CLSTN2: variants seen among roughly 807,000 people sequenced by gnomAD.
CLSTN2 encodes calsyntenin 2.
Under a neutral mutation model 101.2 loss-of-function variants are expected in CLSTN2, and 48 were observed. That is an observed-to-expected ratio of 0.47 (90% confidence interval 0.38 to 0.60). CLSTN2 has a LOEUF of 0.60. CLSTN2 is among the 20% of genes least tolerant of loss of function. The pLI is 0.00. For synonymous variants in CLSTN2, 481 were observed against 463.6 expected, an observed-to-expected ratio of 1.04 and a Z score of -0.48; for missense variants, 1,160 against 1,238.2, an observed-to-expected ratio of 0.94 and a Z score of 0.95.
intron 2 of CLSTN2, among the ~76,000 whole-genome samples, chr3:140,251,846 T>C (rs2086567531): frequency 6.6e-6 from 1 of 151,972 alleles, no homozygotes; most frequent in Admixed American, 6.6e-5. Flanking sequence ...GTGGAATCTG[T>C]GTGGAGCCTG....
chr3:140,052,225 C>T (rs2008010650), intron 1 of CLSTN2, among the ~76,000 whole-genome samples: 1 of 152,156 alleles, frequency 6.6e-6, no homozygotes, highest in African/African-American at 2.4e-5. Context: ...ATGGCATGAT[C>T]TCAGCTCACT....
chr3:140,291,876 G>T (rs2107903918), intron 2 of CLSTN2, among the ~76,000 whole-genome samples: 1 of 151,994 alleles, frequency 6.6e-6, no homozygotes, highest in African/African-American at 2.4e-5. Context: ...AGTCTCACCA[G>T]CTGCCGCTTG....
At chr3:140,465,718 T>TGAA (rs762805520) in intron 7 of CLSTN2, among the ~76,000 whole-genome samples, 1 of 152,178 alleles carries the variant, frequency 6.6e-6, no homozygotes, top group Non-Finnish European at 1.5e-5. Flanking sequence ...TTAAGGAAAC[T>TGAA]GAAGCTCTGA....
At chr3:140,454,133 GCA>G (rs1386763173) in intron 6 of CLSTN2, 2 of 152,228 alleles carry the variant, frequency 1.3e-5, no homozygotes, top group African/African-American at 4.8e-5. Context: ...GTGAAGGGCT[GCA>G]CACACTGAGT....
intron 1 of CLSTN2, among the ~76,000 whole-genome samples, chr3:139,958,999 T>C (rs1414983015): frequency 1.3e-5 from 2 of 151,804 alleles, no homozygotes. Context: ...AACTTGCTTA[T>C]GGTGAGGAAG....
At chr3:140,546,294 G>A (rs1274934488) in intron 9 of CLSTN2, among the ~76,000 whole-genome samples, 2 of 152,222 alleles carry the variant, frequency 1.3e-5, no homozygotes, top group Non-Finnish European at 2.9e-5. Context: ...ATTCAGAAAT[G>A]CCAGGATTCC....
intron 2 of CLSTN2, among the ~76,000 whole-genome samples, chr3:140,393,309 T>A (rs6777182): frequency 0.026 from 4,033 of 152,298 alleles, 168 homozygotes; most frequent in African/African-American, 0.09. Flanking sequence ...TCAGCATGAT[T>A]TGCACCAATT....
chr3:140,432,079 C>A (rs2088637598), intron 5 of CLSTN2, among the ~76,000 whole-genome samples: 1 of 152,140 alleles, frequency 6.6e-6, no homozygotes, highest in Non-Finnish European at 1.5e-5. Context: ...AGCATCATGT[C>A]CTGGATTTTT....
In CLSTN2 at chr3:140,447,065, TC is replaced by T. The variant is rs572579136; in HGVS notation, c.788-1452del. On this transcript the variant is annotated intron_variant, in intron 5 of 16. Coordinates refer to ENST00000458420, the MANE Select transcript of CLSTN2 (RefSeq NM_022131.3). ...AAGATACCGGTATCACCATGGTGGCTCCAGTGGCCCATTGGGAACTGAGTAG... is the reference window on the plus strand; with the variant it reads ...AAGATACCGGTATCACCATGGTGGCTCAGTGGCCCATTGGGAACTGAGTAG... Among the ~76,000 whole-genome samples, 28 of 152,334 alleles carry T rather than the reference TC, an allele frequency of 1.8e-4. No homozygotes were observed. In the East Asian group the frequency reaches 4.6e-3, roughly 25 times the overall value.
chr3:140,220,430 T>C (rs6787416), intron 2 of CLSTN2, among the ~76,000 whole-genome samples: 147,277 of 152,322 alleles, frequency 0.97, 71,387 homozygotes, highest in East Asian at 1. Flanking sequence ...GTCTTCCTTC[T>C]TGAGCCCCAT....
chr3:140,416,325 A>G (rs2088431118), intron 4 of CLSTN2, among the ~76,000 whole-genome samples: 1 of 152,178 alleles, frequency 6.6e-6, no homozygotes, highest in South Asian at 2.1e-4. Flanking sequence ...AATGCATTAT[A>G]TACTTGAAAT....
intron 8 of CLSTN2, among the ~76,000 whole-genome samples, chr3:140,499,792 C>T (rs1270682639): frequency 5.9e-5 from 9 of 152,194 alleles, no homozygotes; most frequent in Middle Eastern, 3.4e-3. Context: ...TGGCTGGGCG[C>T]GGTGGCTCAC....
intron 8 of CLSTN2, among the ~76,000 whole-genome samples, chr3:140,530,652 G>A (rs550680085): frequency 7.2e-5 from 11 of 152,356 alleles, no homozygotes; most frequent in African/African-American, 1.4e-4. Context: ...TGTAGAGCCA[G>A]CTAAAGCACA....
At chr3:140,483,142 G>A (rs1395163631) in intron 8 of CLSTN2, among the ~76,000 whole-genome samples, 3 of 152,196 alleles carry the variant, frequency 2.0e-5, no homozygotes, top group East Asian at 3.9e-4. Context: ...GGTATGTTGT[G>A]TCTTTGTTCT....
At chr3:140,455,417 C>G (rs1055362522) in intron 6 of CLSTN2, among the ~76,000 whole-genome samples, 2 of 152,230 alleles carry the variant, frequency 1.3e-5, no homozygotes, top group African/African-American at 4.8e-5. Context: ...TAACTGCCAT[C>G]CCTAGGCCCC....
intron 2 of CLSTN2, among the ~76,000 whole-genome samples, chr3:140,378,832 C>G (rs2087947961): frequency 6.6e-6 from 1 of 152,184 alleles, no homozygotes; most frequent in African/African-American, 2.4e-5. Flanking sequence ...AGGAGCATTA[C>G]CCAGGATTAA....
intron 2 of CLSTN2, among the ~76,000 whole-genome samples, chr3:140,204,859 C>T (rs1030779425): frequency 2.6e-5 from 4 of 152,154 alleles, no homozygotes; most frequent in Non-Finnish European, 4.4e-5. Flanking sequence ...TCTGTCTGTC[C>T]CGCTGTCCCC....
intron 2 of CLSTN2, among the ~76,000 whole-genome samples, chr3:140,389,009 G>A (rs1290131572): frequency 6.6e-6 from 1 of 152,134 alleles, no homozygotes; most frequent in African/African-American, 2.4e-5. Flanking sequence ...TTAATTAGAT[G>A]GAATCTTGTG....
At chr3:140,304,180 C>T (rs1277909910) in intron 2 of CLSTN2, among the ~76,000 whole-genome samples, 1 of 152,134 alleles carries the variant, frequency 6.6e-6, no homozygotes, top group East Asian at 1.9e-4. Flanking sequence ...TTTCCGATAA[C>T]TGTGGCTAAC....
Sources: gnomAD v4.1 joint callset for allele counts (sites outside exome capture counted in the v4.1 genomes callset) on GRCh38, gnomAD v4.1.1 for gene constraint, MANE v1.5 for transcripts, NCBI Gene and HGNC (gene_info 2026-07-23, HGNC 2026-07-21) for gene names.